VAT1L: variants seen among roughly 807,000 people sequenced by gnomAD.
The protein encoded by VAT1L is putative NADPH-dependent quinone oxidoreductase VAT1L.
In VAT1L, 34 loss-of-function variants were observed where a neutral mutation model predicts 44.1. The observed-to-expected ratio is 0.77, with a 90% CI of 0.59 to 1.03. The LOEUF (loss-of-function observed/expected upper bound fraction) is 1.03, where lower values mean the gene tolerates loss of function less well. Ranked by LOEUF, VAT1L falls within the 50% of genes least tolerant of loss-of-function variation. VAT1L has a pLI of 0.00. For missense variants in VAT1L, 615 were observed against 538.8 expected (o/e 1.14, Z -1.40); for synonymous variants, 253 against 202.2 (o/e 1.25, Z -2.13).
rs751495810 is a variant in VAT1L at position 77,830,428 on chromosome 16, C to T, written c.579+4967C>T. 2.3e-4 allele frequency among the ~76,000 whole-genome samples: 35 copies of T among 152,206 alleles called. 1 individual carries two copies. The highest frequency in any genetic ancestry group is 3.4e-3 in the Middle Eastern group (1 of 294). On this transcript the variant is annotated intron_variant, in intron 3 of 8. Coordinates refer to ENST00000302536, the MANE Select transcript of VAT1L (RefSeq NM_020927.3). ...GTTTGATATGGTTTGTCTGTGTCCC[C>T]GCCAAAATCTCATCTTGAATTATGG...
intron 7 of VAT1L, among the ~76,000 whole-genome samples, chr16:77,925,523 C>A (rs550267983): frequency 6.6e-6 from 1 of 152,214 alleles, no homozygotes; most frequent in South Asian, 2.1e-4. Flanking sequence ...CTTTTCTCTG[C>A]CCAGAGTCAA....
chr16:77,873,327 C>T (rs1013808971), intron 4 of VAT1L, among the ~76,000 whole-genome samples: 2 of 152,176 alleles, frequency 1.3e-5, no homozygotes, highest in South Asian at 2.1e-4. Context: ...ATGCCTGCCT[C>T]ATAGGCTTTT....
intron 1 of VAT1L, among the ~76,000 whole-genome samples, chr16:77,814,108 T>A (rs887219214): frequency 1.2e-4 from 18 of 152,134 alleles, no homozygotes; most frequent in Non-Finnish European, 2.2e-4. Context: ...GTATGATAGT[T>A]CATACCTCAT....
At chr16:77,887,253 A>C (rs957014533) in intron 7 of VAT1L, among the ~76,000 whole-genome samples, 1 of 152,206 alleles carries the variant, frequency 6.6e-6, no homozygotes, top group African/African-American at 2.4e-5. Context: ...TGAGTAGGTT[A>C]ACAAGGGCTG....
Position 77,864,967 on chromosome 16 carries a change from C to CTTT in VAT1L, c.722+2099_722+2101dup, listed in dbSNP as rs869037679. The stretch of plus-strand genomic sequence containing the variant: ...TAGCTCTCAGGTAATTCTTCTTATC[C>CTTT]TTTTTTTTTTTTTTTTTTTTTTTTG... On this transcript the variant is annotated intron_variant, in intron 4 of 8. Coordinates refer to ENST00000302536, the MANE Select transcript of VAT1L (RefSeq NM_020927.3). 2.6e-3 allele frequency among the ~76,000 whole-genome samples: 244 copies of CTTT among 95,360 alleles called. 1 individual carries two copies. The highest frequency in any genetic ancestry group is 4.6e-3 in the African/African-American group (101 of 22,156). The allele number at this position is 95,360 out of a possible 152,430, so 62.6% of individuals were successfully genotyped here.
chr16:77,824,167 G>A (rs1049391631), intron 2 of VAT1L, among the ~76,000 whole-genome samples: 2 of 152,204 alleles, frequency 1.3e-5, no homozygotes, highest in Non-Finnish European at 2.9e-5. Context: ...CAGGTGAAAG[G>A]TGGTTTCAGA....
Position 77,876,481 on chromosome 16 carries a change from C to A in VAT1L, c.826+8C>A. The A allele has an allele frequency of 6.2e-7, 1 of 1,612,616 alleles. No homozygotes were observed. Among genetic ancestry groups the A allele is most frequent in the Non-Finnish European group, 8.5e-7 (1 of 1,178,686 alleles). On this transcript the variant is annotated splice_region_variant and intron_variant, in intron 5 of 8. Coordinates refer to ENST00000302536, the MANE Select transcript of VAT1L (RefSeq NM_020927.3). Reference sequence around the variant, plus strand: ...GAACCTACATTTTATATGGTGAGTGCAAAACAGCAGCAGGGACGTGGTCAG... The same window carrying A: ...GAACCTACATTTTATATGGTGAGTGAAAAACAGCAGCAGGGACGTGGTCAG...
chr16:77,880,275 G>A (rs953629359), intron 6 of VAT1L, among the ~76,000 whole-genome samples: 7 of 152,050 alleles, frequency 4.6e-5, no homozygotes, highest in Non-Finnish European at 1.0e-4. Context: ...TCCTGCTTCA[G>A]CCTCCCAAGT....
intron 7 of VAT1L, among the ~76,000 whole-genome samples, chr16:77,960,516 G>C (rs757349219): frequency 6.6e-6 from 1 of 152,168 alleles, no homozygotes; most frequent in Admixed American, 6.5e-5. Flanking sequence ...TGCAGGAGCT[G>C]TAGTTGTGAA....
intron 7 of VAT1L, among the ~76,000 whole-genome samples, chr16:77,943,096 G>A (rs144337153): frequency 7.8e-5 from 11 of 141,910 alleles, no homozygotes; most frequent in Middle Eastern, 4.2e-3. Flanking sequence ...TGCCTCTGTC[G>A]CCCAGGCTGG....
intron 7 of VAT1L, among the ~76,000 whole-genome samples, chr16:77,912,564 ATTAT>A (rs1248988299): frequency 2.0e-5 from 3 of 152,048 alleles, no homozygotes; most frequent in African/African-American, 4.8e-5. Context: ...TATGTTTATT[ATTAT>A]TATTTTTTAC....
At chr16:77,958,726 T>C (rs436072) in intron 7 of VAT1L, among the ~76,000 whole-genome samples, 65,778 of 152,088 alleles carry the variant, frequency 0.43, 14,439 homozygotes, top group Middle Eastern at 0.49. Flanking sequence ...GATGTATATT[T>C]GATCAGGAGA....
intron 7 of VAT1L, among the ~76,000 whole-genome samples, chr16:77,948,148 A>C (rs373038207): frequency 1.3e-5 from 2 of 152,182 alleles, no homozygotes; most frequent in East Asian, 1.9e-4. Flanking sequence ...CTTCATTCAT[A>C]GCTAGGATAT....
chr16:77,820,948 T>C (rs1231341403), intron 2 of VAT1L, among the ~76,000 whole-genome samples: 1 of 152,210 alleles, frequency 6.6e-6, no homozygotes, highest in Non-Finnish European at 1.5e-5. Context: ...TGCATTCTAG[T>C]CAATTGCAGA....
chr16:77,849,776 A>G (rs1232647132), intron 3 of VAT1L, among the ~76,000 whole-genome samples: 1 of 152,206 alleles, frequency 6.6e-6, no homozygotes, highest in Non-Finnish European at 1.5e-5. Flanking sequence ...ACGTACTCTG[A>G]TCCAGAAGCC....
chr16:77,812,512 G>A (rs577935104), intron 1 of VAT1L, among the ~76,000 whole-genome samples: 38 of 152,270 alleles, frequency 2.5e-4, no homozygotes, highest in African/African-American at 8.4e-4. Flanking sequence ...TACTGTCAGT[G>A]GTGTTGTGGT....
chr16:77,961,162 G>C (rs957260791), intron 7 of VAT1L, among the ~76,000 whole-genome samples: 2 of 152,110 alleles, frequency 1.3e-5, no homozygotes, highest in East Asian at 3.9e-4. Context: ...TTTTCAAAAA[G>C]GATGGGCTTG....
intron 4 of VAT1L, among the ~76,000 whole-genome samples, chr16:77,875,192 T>A (rs1312413671): frequency 1.3e-5 from 2 of 152,090 alleles, no homozygotes; most frequent in South Asian, 4.2e-4. Flanking sequence ...TGGGCTGGAT[T>A]TTGGACATGA....
At chr16:77,921,971 G>A (rs2017616626) in intron 7 of VAT1L, among the ~76,000 whole-genome samples, 1 of 151,944 alleles carries the variant, frequency 6.6e-6, no homozygotes, top group Non-Finnish European at 1.5e-5. Flanking sequence ...TGGTCTTGAA[G>A]CCCTGGGCTC....
Sources: allele counts gnomAD v4.1 joint callset (sites outside exome capture counted in the v4.1 genomes callset), GRCh38; gene constraint gnomAD v4.1.1; transcripts MANE v1.5; gene names NCBI Gene and HGNC (gene_info 2026-07-23, HGNC 2026-07-21).